EXOSC9: variants seen among roughly 807,000 people sequenced by gnomAD.
EXOSC9 encodes exosome component 9.
EXOSC9 carries 38 observed loss-of-function variants against 56.5 expected under a neutral mutation model. The ratio of observed to expected loss-of-function variants is 0.67; its 90% CI spans 0.52 to 0.88. The LOEUF is 0.88. EXOSC9 is among the 40% of genes least tolerant of loss of function. The pLI is 0.00. For missense variants in EXOSC9, 559 were observed against 530.5 expected (o/e 1.05, Z -0.53); for synonymous variants, 170 against 170.8 (o/e 0.99, Z 0.04).
chr4:121,811,506 T>A (rs1178490737), intron 7 of EXOSC9, 77 bp from the exon 8 acceptor site: 2 of 767,544 alleles, frequency 2.6e-6, no homozygotes, highest in African/African-American at 3.6e-5. Context: ...GGTAGAAAAA[T>A]TTCATGGTTT....
At chr4:121,802,615 G>C in intron 2 of EXOSC9, 59 bp from the exon 3 acceptor site, 1 of 1,562,016 alleles carries the variant, frequency 6.4e-7, no homozygotes, top group South Asian at 1.2e-5. Context: ...ATCTGTTTCA[G>C]TTTTTTGTTT....
chr4:121,801,733 T>C (rs1211541541), intron 1 of EXOSC9, 94 bp from the exon 2 acceptor site: 2 of 1,090,428 alleles, frequency 1.8e-6, no homozygotes, highest in African/African-American at 3.1e-5. Flanking sequence ...GATTCCACTT[T>C]CCCCCAAGTG....
At position 121,801,409 on chromosome 4, in the gene EXOSC9, C is replaced by T; in HGVS notation, c.-16C>T. 6.2e-7 allele frequency: 1 copy of T among 1,612,400 alleles called. No homozygotes were observed. The highest frequency in any genetic ancestry group is 8.5e-7 in the Non-Finnish European group (1 of 1,178,390). On this transcript the variant is annotated 5_prime_UTR_variant, in exon 1 of 12. Transcript: ENST00000243498. ...CCCGCGGATTCTGGTGCCTGTGGGGCCGGTGACCCAACACCATGAAGGAAA... is the reference window on the plus strand; with the variant it reads ...CCCGCGGATTCTGGTGCCTGTGGGGTCGGTGACCCAACACCATGAAGGAAA...
At chr4:121,808,927 C>T (rs939736300) in intron 6 of EXOSC9, among the ~76,000 whole-genome samples, 1 of 151,894 alleles carries the variant, frequency 6.6e-6, no homozygotes, top group Admixed American at 6.6e-5. Flanking sequence ...CGCCTATCTC[C>T]ACCTCCCAAA....
chr4:121,801,401 C>T lies in EXOSC9; in HGVS notation c.-24C>T, dbSNP rs906530801. 1.9e-6 allele frequency: 3 copies of T among 1,610,202 alleles called. No individual in the cohort carries two copies. The highest frequency in any genetic ancestry group is 2.5e-6 in the Non-Finnish European group (3 of 1,176,504). On this transcript the variant is annotated 5_prime_UTR_variant, in exon 1 of 12. Transcript: ENST00000243498. The stretch of plus-strand genomic sequence containing the variant: ...CCGTTTTTCCCGCGGATTCTGGTGC[C>T]TGTGGGGCCGGTGACCCAACACCAT...
chr4:121,805,193 G>C (rs1726983481), intron 5 of EXOSC9, among the ~76,000 whole-genome samples: 1 of 152,192 alleles, frequency 6.6e-6, no homozygotes, highest in African/African-American at 2.4e-5. Flanking sequence ...AAGAGATGAC[G>C]AAAGTCCATC....
rs765328388 is a variant in EXOSC9 at position 121,803,037 on chromosome 4, TTCTTAA to T, written c.384+26_384+31del. 1 of 1,503,104 alleles carries T rather than the reference TTCTTAA, an allele frequency of 6.7e-7. No homozygotes were observed. The highest frequency in any genetic ancestry group is 1.7e-4 in the Middle Eastern group (1 of 5,822). 93.1% of individuals were successfully genotyped at this position (1,503,104 alleles called of 1,614,324 possible). ...GAAAAGGTGGGGAATATGCCCATAA[TTCTTAA>T]TCTTAGGATGAATACTGTTGATCAT... On this transcript the variant is annotated intron_variant, in intron 4 of 11. Transcript: ENST00000243498.
At chr4:121,810,970 T>C (rs572535941) in intron 7 of EXOSC9, among the ~76,000 whole-genome samples, 1 of 152,342 alleles carries the variant, frequency 6.6e-6, no homozygotes, top group East Asian at 1.9e-4. Flanking sequence ...AACCCAGCTA[T>C]ATATCATATT....
Position 121,802,760 on chromosome 4 carries a change from C to T in EXOSC9, c.248C>T (p.Ser83Phe). The change falls in exon 3 of 12, where the codon TCT (serine) becomes TTT (phenylalanine). Residue 83 changes from serine to phenylalanine, a missense_variant. By Grantham distance (155) the Ser-to-Phe change is radical. Transcript: ENST00000243498. ...ATTCTTTTTTTTAACCTTGAACTCT[C>T]TCAGATGGCCGCTCCAGCTTTCGAA... Reference protein sequence around the residue: ...EGILFFNLELSQMAAPAFEPG... With the variant: ...EGILFFNLELFQMAAPAFEPG... 1 of 1,614,132 alleles carries T rather than the reference C, an allele frequency of 6.2e-7. No homozygotes were observed. Among genetic ancestry groups the T allele is most frequent in the Non-Finnish European group, 8.5e-7 (1 of 1,180,012 alleles).
chr4:121,804,864 G>T, intron 5 of EXOSC9, 105 bp downstream of exon 5: 1 of 958,226 alleles, frequency 1.0e-6, no homozygotes. Flanking sequence ...ATGGCAATTG[G>T]GTCGTTTCTA....
intron 11 of EXOSC9, 135 bp from the exon 12 acceptor site, chr4:121,816,637 T>C (rs2149040922): frequency 1.1e-6 from 1 of 947,676 alleles, no homozygotes; most frequent in Non-Finnish European, 1.5e-6. Flanking sequence ...ATCTATAATA[T>C]AAACTTCTTG....
chr4:121,802,972 G>A lies in EXOSC9; in HGVS notation c.339G>A (p.Ser113=), dbSNP rs368408281. ...NRLMERCLRN[S]KCIDTESLCV... Reference sequence around the variant, plus strand: ...TCATGGAAAGATGTCTAAGAAATTCGAAGTGTATAGACACTGAGTCTCTCT... The same window carrying A: ...TCATGGAAAGATGTCTAAGAAATTCAAAGTGTATAGACACTGAGTCTCTCT... Residue 113 remains serine (S), a synonymous_variant, in exon 4 of 12, where the codon TCG becomes TCA. Coordinates refer to ENST00000243498, the MANE Select transcript of EXOSC9 (RefSeq NM_005033.3). The A allele has an allele frequency of 1.4e-5, 23 of 1,613,872 alleles. No individual in the cohort carries two copies. The highest frequency in any genetic ancestry group is 4.0e-5 in the African/African-American group (3 of 74,898).
chr4:121,802,547 TCTC>T lies in EXOSC9; in HGVS notation c.162-124_162-122del, dbSNP rs1462814932. The stretch of plus-strand genomic sequence containing the variant: ...TATTATACTTTACATATAATTTTTA[TCTC>T]CTATGATTTATTTGGCTGAGTATGA... On this transcript the variant is annotated intron_variant, in intron 2 of 11. Transcript: ENST00000243498. 9 of 808,004 alleles carry T rather than the reference TCTC, an allele frequency of 1.1e-5. No homozygotes were observed. In the South Asian group the frequency reaches 1.3e-4, roughly 12 times the overall value. 50.1% of individuals were successfully genotyped at this position (808,004 alleles called of 1,614,324 possible). A position where few individuals can be genotyped will look rare whatever the true frequency, so the allele number is the denominator to read the frequency against.
chr4:121,814,153 G>A lies in EXOSC9; in HGVS notation c.1156+106G>A, dbSNP rs534118814. 7 of 681,524 alleles carry A rather than the reference G, an allele frequency of 1.0e-5. No individual in the cohort carries two copies. In the South Asian group the frequency reaches 1.4e-4, roughly 14 times the overall value. The allele number at this position is 681,524 out of a possible 1,614,324, so 42.2% of individuals were successfully genotyped here. On this transcript the variant is annotated intron_variant, in intron 10 of 11. Coordinates refer to ENST00000243498, the MANE Select transcript of EXOSC9 (RefSeq NM_005033.3). The stretch of plus-strand genomic sequence containing the variant: ...ATGTGTGTATATTTATATTATCACT[G>A]TATATAGTAATATATAGCATATTAG...
At chr4:121,806,192 G>A (rs192133152) in intron 5 of EXOSC9, among the ~76,000 whole-genome samples, 188 of 150,954 alleles carry the variant, frequency 1.2e-3, no homozygotes, top group African/African-American at 4.5e-3. Flanking sequence ...CACTGTTGTT[G>A]CCTAGGCTAG....
chr4:121,802,061 C>A, intron 2 of EXOSC9, 140 bp downstream of exon 2: 1 of 647,164 alleles, frequency 1.5e-6, no homozygotes, highest in Non-Finnish European at 2.7e-6. Context: ...TTTTTTTATG[C>A]GAGATTTTTT....
intron 8 of EXOSC9, 100 bp downstream of exon 8, chr4:121,811,771 T>C: frequency 2.0e-6 from 1 of 508,980 alleles, no homozygotes; most frequent in East Asian, 3.3e-5. Context: ...ATGAACTTGA[T>C]TTCACATACA....
At position 121,806,436 on chromosome 4, in the gene EXOSC9, C is replaced by T. The variant is rs1236010212; in HGVS notation, c.523-1104C>T. ...GGGATTACAGACGTGAGCCACTGCC[C>T]CCAGCCGACCTTATAATGTTAAAAC... On this transcript the variant is annotated intron_variant, in intron 5 of 11. Coordinates refer to ENST00000243498, the MANE Select transcript of EXOSC9 (RefSeq NM_005033.3). Among the ~76,000 whole-genome samples, 4 of 151,924 alleles carry T rather than the reference C, an allele frequency of 2.6e-5. No homozygotes were observed. In the East Asian group the frequency reaches 7.7e-4, roughly 29 times the overall value.
intron 6 of EXOSC9, among the ~76,000 whole-genome samples, chr4:121,808,106 C>T (rs899533748): frequency 6.6e-6 from 1 of 152,164 alleles, no homozygotes; most frequent in African/African-American, 2.4e-5. Flanking sequence ...GTTTTCATTA[C>T]TTAACTGCTA....
Sources: allele counts gnomAD v4.1 joint callset (sites outside exome capture counted in the v4.1 genomes callset), GRCh38; gene constraint gnomAD v4.1.1; transcripts MANE v1.5; gene names NCBI Gene and HGNC (gene_info 2026-07-23, HGNC 2026-07-21).